ARHGAP26: variants seen among roughly 807,000 people sequenced by gnomAD.
The protein encoded by ARHGAP26 is Rho GTPase activating protein 26.
Under a neutral mutation model 104.8 loss-of-function variants are expected in ARHGAP26, and 38 were observed. That is an observed-to-expected ratio of 0.36 (90% CI 0.28 to 0.48). ARHGAP26 has a LOEUF of 0.48. Among genes scored for constraint, ARHGAP26 ranks in the 20% least tolerant of loss-of-function variants. The pLI is 0.99. For synonymous variants in ARHGAP26, 341 were observed against 340.0 expected (o/e 1.00, Z -0.03); for missense variants, 704 against 947.9 (o/e 0.74, Z 3.38).
At chr5:142,841,992 G>C (rs1194751297) in intron 1 of ARHGAP26, among the ~76,000 whole-genome samples, 1 of 152,194 alleles carries the variant, frequency 6.6e-6, no homozygotes, top group Non-Finnish European at 1.5e-5. Context: ...TCCAGGTCTG[G>C]TGGTAATTAC....
At chr5:143,146,950 T>C (rs181889810) in intron 19 of ARHGAP26, among the ~76,000 whole-genome samples, 1 of 152,348 alleles carries the variant, frequency 6.6e-6, no homozygotes, top group African/African-American at 2.4e-5. Flanking sequence ...TATGGTGCCA[T>C]AGTAGGGCCA....
intron 10 of ARHGAP26, among the ~76,000 whole-genome samples, chr5:142,915,976 C>T (rs1762428986): frequency 6.6e-6 from 1 of 152,176 alleles, no homozygotes; most frequent in Non-Finnish European, 1.5e-5. Flanking sequence ...CTGCTAGATG[C>T]CCTGCTGTCC....
At chr5:143,012,552 C>CATACATATATATATATATATAT (rs1200923855) in intron 11 of ARHGAP26, among the ~76,000 whole-genome samples, 2 of 20,846 alleles carry the variant, frequency 9.6e-5, no homozygotes, top group Admixed American at 7.9e-4. Context: ...TACATACATA[C>CATACATATATATATATATATAT]ATATATATAT....
chr5:142,787,659 A>G (rs1005365707), intron 1 of ARHGAP26, among the ~76,000 whole-genome samples: 9 of 152,214 alleles, frequency 5.9e-5, no homozygotes, highest in African/African-American at 2.2e-4. Flanking sequence ...GTTAGTCATT[A>G]AAAGGAAAAA....
intron 20 of ARHGAP26, among the ~76,000 whole-genome samples, chr5:143,157,168 C>A (rs1271231157): frequency 1.7e-5 from 2 of 116,492 alleles, no homozygotes; most frequent in East Asian, 8.2e-4. Context: ...TCAACACATT[C>A]TTTCTTTTTT....
chr5:142,884,152 G>A (rs1282581463), intron 4 of ARHGAP26, among the ~76,000 whole-genome samples: 1 of 152,188 alleles, frequency 6.6e-6, no homozygotes, highest in African/African-American at 2.4e-5. Context: ...CCTTCTTCCA[G>A]CTTCCTTGCC....
intron 11 of ARHGAP26, among the ~76,000 whole-genome samples, chr5:142,974,435 C>T (rs1562186582): frequency 6.6e-6 from 1 of 152,146 alleles, no homozygotes; most frequent in Non-Finnish European, 1.5e-5. Context: ...TGGAAAATTA[C>T]AGGCAATGGC....
intron 20 of ARHGAP26, among the ~76,000 whole-genome samples, chr5:143,149,852 A>C (rs554068825): frequency 2.6e-5 from 4 of 152,326 alleles, no homozygotes; most frequent in African/African-American, 9.6e-5. Context: ...CCAGGAAGCT[A>C]TCTGTTCTTT....
chr5:142,949,203 GAGAGAGAGA>G (rs1767802478), intron 11 of ARHGAP26, among the ~76,000 whole-genome samples: 1 of 16,278 alleles, frequency 6.1e-5, no homozygotes, highest in Non-Finnish European at 1.2e-4. Context: ...GAGAGAGAGA[GAGAGAGAGA>G]GAGAGAGAGG....
At position 143,131,187 on chromosome 5, in the gene ARHGAP26, A is replaced by G. The variant is rs201843296; in HGVS notation, c.1699-2780A>G. On this transcript the variant is annotated intron_variant, in intron 18 of 22. Coordinates refer to ENST00000645722, the MANE Select transcript of ARHGAP26 (RefSeq NM_001135608.3). ...ACCATGTCTCTTCCTGCTCTGCTGT[A>G]TATAAATATTGTCTTGGAAGCAATT... 3.9e-5 allele frequency among the ~76,000 whole-genome samples: 6 copies of G among 152,340 alleles called. No homozygotes were observed. The East Asian group carries it at 7.7e-4, about 20-fold the overall frequency.
At chr5:142,887,511 T>TTC (rs1256945184) in intron 5 of ARHGAP26, among the ~76,000 whole-genome samples, 1 of 152,214 alleles carries the variant, frequency 6.6e-6, no homozygotes, top group African/African-American at 2.4e-5. Flanking sequence ...TGTTCTCAAA[T>TTC]TGGATGCCAC....
rs186708995 is a variant in ARHGAP26 at position 143,222,853 on chromosome 5, C to T, written c.*407C>T. ...TGCTGGGGCTGGGTGAAGAAATTGG[C>T]GCTGAGATCCAGGCTGGATCCATTG... On this transcript the variant is annotated 3_prime_UTR_variant, in exon 23 of 23. Coordinates refer to ENST00000645722, the MANE Select transcript of ARHGAP26 (RefSeq NM_001135608.3). 331 of 234,714 alleles carry T rather than the reference C, an allele frequency of 1.4e-3. No homozygotes were observed. The highest frequency in any genetic ancestry group is 3.1e-3 in the Admixed American group (56 of 17,882). 14.5% of individuals were successfully genotyped at this position (234,714 alleles called of 1,614,324 possible). A position where few individuals can be genotyped will look rare whatever the true frequency, so the allele number is the denominator to read the frequency against.
At chr5:142,771,003 C>G in intron 1 of ARHGAP26, 88 bp downstream of exon 1, 1 of 1,482,324 alleles carries the variant, frequency 6.7e-7, no homozygotes. Context: ...GCGCGTCTGC[C>G]GGGTTTCTGC....
chr5:143,084,919 C>T (rs1209331607), intron 17 of ARHGAP26, among the ~76,000 whole-genome samples: 1 of 151,938 alleles, frequency 6.6e-6, no homozygotes. Flanking sequence ...GTGGCGCGTG[C>T]CTGTAATCCC....
In ARHGAP26 at chr5:142,928,122, A is replaced by G. The variant is rs898845926; in HGVS notation, c.1029-3925A>G. 4.6e-5 allele frequency among the ~76,000 whole-genome samples: 7 copies of G among 152,148 alleles called. No homozygotes were observed. The East Asian group carries it at 7.7e-4, about 17-fold the overall frequency. On this transcript the variant is annotated intron_variant, in intron 10 of 22. Coordinates refer to ENST00000645722, the MANE Select transcript of ARHGAP26 (RefSeq NM_001135608.3). ...TTTGACTTTTAATTTTTTAAATAAAAGTAATTAAGTAATTAAATTCATCTT... is the reference window on the plus strand; with the variant it reads ...TTTGACTTTTAATTTTTTAAATAAAGGTAATTAAGTAATTAAATTCATCTT...
intron 20 of ARHGAP26, among the ~76,000 whole-genome samples, chr5:143,194,799 GCTC>G (rs1191584954): frequency 7.9e-5 from 12 of 152,190 alleles, no homozygotes; most frequent in African/African-American, 2.7e-4. Context: ...AAGTCAATAA[GCTC>G]CTCAGAACCA....
intron 17 of ARHGAP26, among the ~76,000 whole-genome samples, chr5:143,114,634 T>G (rs11740100): frequency 0.97 from 146,888 of 152,212 alleles, 70,902 homozygotes; most frequent in East Asian, 1. Flanking sequence ...TGCAGCTTAG[T>G]TACCCACCCA....
At chr5:142,841,067 G>T (rs980069156) in intron 1 of ARHGAP26, among the ~76,000 whole-genome samples, 1 of 152,082 alleles carries the variant, frequency 6.6e-6, no homozygotes, top group Non-Finnish European at 1.5e-5. Flanking sequence ...ACCATTTAAG[G>T]ATATCCAGGG....
chr5:143,147,552 C>G (rs534355742), intron 20 of ARHGAP26, 171 bp downstream of exon 20: 86 of 685,482 alleles, frequency 1.3e-4, no homozygotes, highest in Non-Finnish European at 2.0e-4. Context: ...AAAGCATCAT[C>G]ATCTCAGAGG....
Sources: allele counts gnomAD v4.1 joint callset (sites outside exome capture counted in the v4.1 genomes callset), GRCh38; gene constraint gnomAD v4.1.1; transcripts MANE v1.5; gene names NCBI Gene and HGNC (gene_info 2026-07-23, HGNC 2026-07-21).